Variants in CMTM7 observed in about 807,000 individuals in gnomAD.
CMTM7 encodes CKLF like MARVEL transmembrane domain containing 7.
In CMTM7, 7 loss-of-function variants were observed where a neutral mutation model predicts 19.3. The observed-to-expected ratio is 0.36, with a 90% CI of 0.21 to 0.68. The LOEUF is 0.68. Ranked by LOEUF, CMTM7 falls within the 30% of genes least tolerant of loss-of-function variation. The pLI is 0.60. For synonymous variants in CMTM7, 87 were observed against 99.3 expected, an observed-to-expected ratio of 0.88 and a Z score of 0.74; for missense variants, 193 against 232.6, an observed-to-expected ratio of 0.83 and a Z score of 1.11.
intron 1 of CMTM7, among the ~76,000 whole-genome samples, chr3:32,402,375 G>A (rs1302707973): frequency 1.3e-5 from 2 of 152,066 alleles, no homozygotes; most frequent in East Asian, 3.9e-4. Context: ...GCCTCCCAAA[G>A]TGCTGGGATT....
rs148513867 is a variant in CMTM7, at chr3:32,392,316, G to T, written c.159+251G>T. ...CCCGCGGACCCAGGTCGCCAGGGTC[G>T]CAAGTTTCTCCGGCCACCCCCCTGC... On this transcript the variant is annotated intron_variant, in intron 1 of 4. Coordinates refer to ENST00000334983, the MANE Select transcript of CMTM7 (RefSeq NM_138410.4). Among the ~76,000 whole-genome samples, 203 of 152,338 alleles carry T rather than the reference G, an allele frequency of 1.3e-3. 1 individual carries two copies. Among genetic ancestry groups the T allele is most frequent in the African/African-American group, 4.2e-3 (175 of 41,588 alleles).
At chr3:32,430,279 A>G (rs1398414399) in intron 1 of CMTM7, among the ~76,000 whole-genome samples, 1 of 152,124 alleles carries the variant, frequency 6.6e-6, no homozygotes, top group East Asian at 1.9e-4. Context: ...ATCTGCAATC[A>G]TTACATAATG....
chr3:32,412,112 C>T (rs1000557969), intron 1 of CMTM7, among the ~76,000 whole-genome samples: 5 of 152,162 alleles, frequency 3.3e-5, no homozygotes, highest in Non-Finnish European at 2.9e-5. Flanking sequence ...TGCCAACATC[C>T]GCACCATAGC....
At chr3:32,402,342 C>G (rs1696022789) in intron 1 of CMTM7, among the ~76,000 whole-genome samples, 2 of 152,160 alleles carry the variant, frequency 1.3e-5, no homozygotes, top group Admixed American at 1.3e-4. Context: ...GAACTCCTGA[C>G]CTCAAGTGAT....
At chr3:32,450,797 T>C (rs1359252983) in intron 3 of CMTM7, among the ~76,000 whole-genome samples, 1 of 152,240 alleles carries the variant, frequency 6.6e-6, no homozygotes, top group African/African-American at 2.4e-5. Flanking sequence ...CTGTGTTTAG[T>C]AATTCAGGTT....
intron 1 of CMTM7, among the ~76,000 whole-genome samples, chr3:32,424,810 T>C (rs35764897): frequency 0.29 from 43,638 of 151,962 alleles, 6,476 homozygotes; most frequent in Middle Eastern, 0.37. Flanking sequence ...TGCACCCAGC[T>C]AACTTTTCAA....
chr3:32,402,555 G>T (rs995263414), intron 1 of CMTM7, among the ~76,000 whole-genome samples: 2 of 152,014 alleles, frequency 1.3e-5, no homozygotes, highest in Admixed American at 1.3e-4. Context: ...ATTCTATTTT[G>T]TTTATTTTAT....
intron 1 of CMTM7, among the ~76,000 whole-genome samples, chr3:32,440,399 C>T (rs1405315615): frequency 6.6e-6 from 1 of 151,590 alleles, no homozygotes; most frequent in Non-Finnish European, 1.5e-5. Context: ...GAGTGAGACT[C>T]CATCTCAAAA....
At chr3:32,392,786 G>T (rs1239721734) in intron 1 of CMTM7, among the ~76,000 whole-genome samples, 1 of 152,218 alleles carries the variant, frequency 6.6e-6, no homozygotes, top group African/African-American at 2.4e-5. Context: ...GAGCCAGGCA[G>T]GATGAGTGTC....
chr3:32,422,011 T>A (rs1696350922), intron 1 of CMTM7, among the ~76,000 whole-genome samples: 2 of 135,622 alleles, frequency 1.5e-5, no homozygotes, highest in Non-Finnish European at 1.7e-5. Flanking sequence ...TGAGTGACTG[T>A]CTGACCTGTG....
intron 4 of CMTM7, 31 bp from the exon 5 acceptor site, chr3:32,454,210 A>C: frequency 1.9e-6 from 3 of 1,577,210 alleles, no homozygotes; most frequent in Middle Eastern, 1.7e-4. Flanking sequence ...CATCCCTGGC[A>C]AGCTGTCCTG....
chr3:32,421,713 C>A (rs1696347137), intron 1 of CMTM7, among the ~76,000 whole-genome samples: 1 of 152,202 alleles, frequency 6.6e-6, no homozygotes, highest in African/African-American at 2.4e-5. Context: ...CTGGTGACAA[C>A]ACACTGCACT....
At chr3:32,453,041 G>A (rs1696860879) in intron 4 of CMTM7, among the ~76,000 whole-genome samples, 1 of 144,360 alleles carries the variant, frequency 6.9e-6, no homozygotes, top group South Asian at 2.2e-4. Context: ...AAAGTGCTGG[G>A]ATTATAGACA....
chr3:32,405,881 A>G (rs1696084481), intron 1 of CMTM7, among the ~76,000 whole-genome samples: 1 of 152,270 alleles, frequency 6.6e-6, no homozygotes. Context: ...TGATGCAAAC[A>G]GTAACTATGG....
chr3:32,440,277 C>CT, intron 1 of CMTM7, among the ~76,000 whole-genome samples: 1 of 151,762 alleles, frequency 6.6e-6, no homozygotes, highest in Non-Finnish European at 1.5e-5. Flanking sequence ...CATGGTGGTG[C>CT]ATACCTGTAG....
At chr3:32,423,494 C>T (rs1696376871) in intron 1 of CMTM7, among the ~76,000 whole-genome samples, 1 of 152,188 alleles carries the variant, frequency 6.6e-6, no homozygotes. Context: ...CCTACTGCTC[C>T]TTCTCGGTTT....
intron 1 of CMTM7, among the ~76,000 whole-genome samples, chr3:32,398,973 C>T (rs961961218): frequency 3.9e-5 from 6 of 152,078 alleles, no homozygotes; most frequent in Admixed American, 3.9e-4. Context: ...GAACAAGACC[C>T]TGTCCTCCCA....
At chr3:32,408,382 C>G (rs923622846) in intron 1 of CMTM7, among the ~76,000 whole-genome samples, 4 of 152,184 alleles carry the variant, frequency 2.6e-5, no homozygotes, top group African/African-American at 9.7e-5. Context: ...ATATTTTCTC[C>G]TTTTAGAGGT....
chr3:32,430,075 G>C (rs1696492472), intron 1 of CMTM7, among the ~76,000 whole-genome samples: 1 of 152,100 alleles, frequency 6.6e-6, no homozygotes, highest in South Asian at 2.1e-4. Context: ...CAGCTTTATT[G>C]AGATACAACT....
Sources: allele counts gnomAD v4.1 joint callset (sites outside exome capture counted in the v4.1 genomes callset), GRCh38; gene constraint gnomAD v4.1.1; transcripts MANE v1.5; gene names NCBI Gene and HGNC (gene_info 2026-07-23, HGNC 2026-07-21).